The following MIR2052HG variants were observed in gnomAD, a reference collection of about 807,000 sequenced individuals.
MIR2052HG encodes MIR2052 host gene.
At chr8:74,656,460 A>G (rs1024175992) in intron 2 of MIR2052HG, among the ~76,000 whole-genome samples, 3 of 152,158 alleles carry the variant, frequency 2.0e-5, no homozygotes, top group Non-Finnish European at 2.9e-5. Context: ...GTGATAGTGA[A>G]TAAGTCTCAC....
intron 4 of MIR2052HG, among the ~76,000 whole-genome samples, chr8:74,715,780 G>T (rs1264601763): frequency 2.0e-5 from 3 of 152,136 alleles, no homozygotes; most frequent in Admixed American, 1.3e-4. Context: ...GTCCAGGGAG[G>T]CAATCTTTAT....
intron 2 of MIR2052HG, among the ~76,000 whole-genome samples, chr8:74,660,861 T>C (rs951015970): frequency 8.1e-5 from 7 of 86,776 alleles, no homozygotes; most frequent in African/African-American, 4.2e-4. Context: ...TATAAAAGGC[T>C]TTATGTTTAA....
chr8:74,660,632 A>G (rs545516411), intron 2 of MIR2052HG, among the ~76,000 whole-genome samples: 116 of 152,242 alleles, frequency 7.6e-4, no homozygotes, highest in Non-Finnish European at 1.5e-3. Flanking sequence ...TAGGATGCCA[A>G]GATTGGAAAG....
intron 4 of MIR2052HG, among the ~76,000 whole-genome samples, chr8:74,726,118 G>A (rs1239003855): frequency 1.3e-5 from 2 of 152,062 alleles, no homozygotes; most frequent in African/African-American, 2.4e-5. Flanking sequence ...GCTTGAATCC[G>A]GGAGGCGGAG....
At position 74,667,084 on chromosome 8, in the gene MIR2052HG, A is replaced by G. The variant is rs143804923; in HGVS notation, n.217-35295A>G. Among the ~76,000 whole-genome samples the G allele has an allele frequency of 5.6e-3, 849 of 152,308 alleles. 5 individuals are homozygous for G. Among genetic ancestry groups the G allele is most frequent in the African/African-American group, 0.016 (661 of 41,570 alleles). On this transcript the variant is annotated intron_variant and non_coding_transcript_variant, in intron 2 of 6. Transcript: ENST00000523442. Reference sequence around the variant, plus strand: ...GCAAAAGCTCATGCAAGAGGGATAAATCACCAGGTGTTCTTAATATCTGCT... The same window carrying G: ...GCAAAAGCTCATGCAAGAGGGATAAGTCACCAGGTGTTCTTAATATCTGCT...
chr8:74,608,616 A>C, intron 1 of MIR2052HG, among the ~76,000 whole-genome samples: 1 of 152,198 alleles, frequency 6.6e-6, no homozygotes, highest in East Asian at 1.9e-4. Context: ...CAATCAATTA[A>C]ATTCATACAA....
At chr8:74,669,688 C>T (rs1246830417) in intron 2 of MIR2052HG, among the ~76,000 whole-genome samples, 2 of 152,098 alleles carry the variant, frequency 1.3e-5, no homozygotes, top group African/African-American at 4.8e-5. Flanking sequence ...TTTTTCATCC[C>T]AGGGCATCTG....
At chr8:74,677,312 C>G (rs1241772262) in intron 2 of MIR2052HG, among the ~76,000 whole-genome samples, 1 of 151,976 alleles carries the variant, frequency 6.6e-6, no homozygotes, top group Non-Finnish European at 1.5e-5. Context: ...AAAACTTGAA[C>G]ATCATAATTA....
chr8:74,695,910 G>A (rs1052896270), intron 2 of MIR2052HG, among the ~76,000 whole-genome samples: 14 of 152,084 alleles, frequency 9.2e-5, no homozygotes, highest in African/African-American at 3.4e-4. Context: ...GCACTAGAGA[G>A]GTCATCAAGA....
At chr8:74,608,987 A>G (rs989926542) in intron 1 of MIR2052HG, among the ~76,000 whole-genome samples, 10 of 152,010 alleles carry the variant, frequency 6.6e-5, no homozygotes, top group Non-Finnish European at 1.2e-4. Context: ...GAAAACATAA[A>G]AGTAATAGAG....
chr8:74,613,999 T>G (rs1355802887), intron 2 of MIR2052HG, among the ~76,000 whole-genome samples: 1 of 152,256 alleles, frequency 6.6e-6, no homozygotes, highest in African/African-American at 2.4e-5. Context: ...AGGGACTTTT[T>G]CCTGTAATTT....
intron 2 of MIR2052HG, among the ~76,000 whole-genome samples, chr8:74,685,410 T>C (rs1001081901): frequency 6.6e-6 from 1 of 152,140 alleles, no homozygotes; most frequent in African/African-American, 2.4e-5. Context: ...TTGCTTTATT[T>C]TCAAACAACT....
At chr8:74,609,058 C>A (rs987716081) in intron 1 of MIR2052HG, among the ~76,000 whole-genome samples, 1 of 151,576 alleles carries the variant, frequency 6.6e-6, no homozygotes, top group Non-Finnish European at 1.5e-5. Context: ...TTTTGGCAAC[C>A]AGTGATAAAA....
rs144712733 is a variant in MIR2052HG, at chr8:74,742,580, C to G, written n.372-9861C>G. Among the ~76,000 whole-genome samples, 188 of 152,156 alleles carry G rather than the reference C, an allele frequency of 1.2e-3. 1 individual carries two copies. Among genetic ancestry groups the G allele is most frequent in the African/African-American group, 4.0e-3 (168 of 41,506 alleles). On this transcript the variant is annotated intron_variant and non_coding_transcript_variant, in intron 4 of 6. Transcript: ENST00000523442. ...CAACCACATTAAAAAAAAGAGTAAG[C>G]ATTTTTGCATCTCACTCATTAGTAG... is the stretch of plus-strand genomic sequence containing the variant.
chr8:74,715,297 C>G (rs544394359), intron 4 of MIR2052HG, among the ~76,000 whole-genome samples: 77 of 152,234 alleles, frequency 5.1e-4, no homozygotes, highest in Non-Finnish European at 6.3e-4. Flanking sequence ...CATAAAATAA[C>G]TAAAGGAAGA....
chr8:74,673,600 A>T (rs1731134472), intron 2 of MIR2052HG, among the ~76,000 whole-genome samples: 1 of 151,962 alleles, frequency 6.6e-6, no homozygotes, highest in South Asian at 2.1e-4. Flanking sequence ...AAGCAGGACA[A>T]ATTTTATATA....
chr8:74,690,050 A>AT lies in MIR2052HG; in HGVS notation n.217-12328dup, dbSNP rs201167618. ...AAATAAGCAATGACTAAGTATTATG[A>AT]TAAACTCACAAAAAAGGTGTAGGTA... On this transcript the variant is annotated intron_variant and non_coding_transcript_variant, in intron 2 of 6. Transcript: ENST00000523442. Among the ~76,000 whole-genome samples the AT allele has an allele frequency of 6.0e-3, 911 of 152,366 alleles. 11 individuals carry two copies. Among genetic ancestry groups the AT allele is most frequent in the African/African-American group, 0.02 (840 of 41,586 alleles).
intron 2 of MIR2052HG, among the ~76,000 whole-genome samples, chr8:74,686,583 G>C (rs1042702672): frequency 2.6e-5 from 4 of 152,038 alleles, no homozygotes; most frequent in Non-Finnish European, 4.4e-5. Context: ...CTGCTTACTA[G>C]TTGTGTCACC....
chr8:74,637,348 A>T (rs1326107726), intron 2 of MIR2052HG, among the ~76,000 whole-genome samples: 2 of 152,138 alleles, frequency 1.3e-5, no homozygotes, highest in African/African-American at 4.8e-5. Context: ...TCCAGGATAC[A>T]CATGCAAACA....
Sources: allele counts gnomAD v4.1 joint callset (sites outside exome capture counted in the v4.1 genomes callset), GRCh38; gene constraint gnomAD v4.1.1; transcripts MANE v1.5; gene names NCBI Gene and HGNC (gene_info 2026-07-23, HGNC 2026-07-21).